The following SHANK2 variants were observed in gnomAD, a reference collection of about 807,000 sequenced individuals.
The protein encoded by SHANK2 is SH3 and multiple ankyrin repeat domains 2.
In SHANK2, 43 loss-of-function variants were observed where a neutral mutation model predicts 133.7. The ratio of observed to expected loss-of-function variants is 0.32; its 90% CI spans 0.25 to 0.41. The LOEUF is 0.41. SHANK2 is among the 10% of genes least tolerant of loss of function. The pLI is 1.00. For synonymous variants in SHANK2, 1,017 were observed against 952.8 expected (o/e 1.07, Z -1.24); for missense variants, 1,994 against 2,235.8 (o/e 0.89, Z 2.18).
At position 71,161,265 on chromosome 11, in the gene SHANK2, C is replaced by T. The variant is rs573533711; in HGVS notation, c.-12-13927G>A. ...CCAACCTGACTCTAGTATAGCATCACATGATAGACAGCAGGTCCTGAAAGA... is the reference window on the plus strand; with the variant it reads ...CCAACCTGACTCTAGTATAGCATCATATGATAGACAGCAGGTCCTGAAAGA... On this transcript the variant is annotated intron_variant, in intron 2 of 25. Coordinates refer to ENST00000601538, the MANE Select transcript of SHANK2 (RefSeq NM_012309.5). Among the ~76,000 whole-genome samples, 10 of 152,330 alleles carry T rather than the reference C, an allele frequency of 6.6e-5. No individual in the cohort carries two copies. In the East Asian group the frequency reaches 1.9e-3, roughly 29 times the overall value.
chr11:71,062,350 G>A (rs1332576456), intron 9 of SHANK2, among the ~76,000 whole-genome samples: 2 of 152,240 alleles, frequency 1.3e-5, no homozygotes, highest in African/African-American at 4.8e-5. Flanking sequence ...AGGAGGCGGA[G>A]AGACCACAGG....
At chr11:70,913,416 C>CA (rs1442214648) in intron 10 of SHANK2, among the ~76,000 whole-genome samples, 36 of 149,662 alleles carry the variant, frequency 2.4e-4, no homozygotes, top group East Asian at 9.7e-4. Context: ...CCTCCGGGAA[C>CA]AAAAAAAAAT....
intron 7 of SHANK2, 120 bp from the exon 8 acceptor site, chr11:71,092,709 A>G: frequency 1.1e-6 from 1 of 928,750 alleles, no homozygotes; most frequent in Non-Finnish European, 1.6e-6. Context: ...CCACACCCTG[A>G]GTACCCAGTG....
intron 9 of SHANK2, among the ~76,000 whole-genome samples, chr11:71,065,837 A>ATGG (rs1951047976): frequency 1.6e-5 from 1 of 63,234 alleles, no homozygotes; most frequent in African/African-American, 6.3e-5. Flanking sequence ...GGGGCGGGGC[A>ATGG]TACAGAACTC....
chr11:70,912,038 G>GACCACTGC (rs1950198517), intron 10 of SHANK2, among the ~76,000 whole-genome samples: 1 of 137,752 alleles, frequency 7.3e-6, no homozygotes, highest in Non-Finnish European at 1.5e-5. Context: ...GCTGAGATTG[G>GACCACTGC]ACCACTGCAC....
At chr11:70,907,881 C>T (rs1555078252) in intron 10 of SHANK2, 1 of 454,294 alleles carries the variant, frequency 2.2e-6, no homozygotes, top group Non-Finnish European at 4.4e-6. Context: ...GCAGGCAGAT[C>T]ACTTAAGGTC....
At chr11:71,105,025 C>T (rs1338928223) in intron 6 of SHANK2, among the ~76,000 whole-genome samples, 2 of 152,198 alleles carry the variant, frequency 1.3e-5, no homozygotes, top group Non-Finnish European at 2.9e-5. Flanking sequence ...AAAACCCACA[C>T]ACGGGTGTTT....
chr11:71,195,135 G>A (rs1254324589), intron 2 of SHANK2, among the ~76,000 whole-genome samples: 4 of 152,214 alleles, frequency 2.6e-5, no homozygotes, highest in African/African-American at 9.6e-5. Flanking sequence ...GCTGACGCCT[G>A]TAATCCCAGC....
At chr11:70,581,939 C>A (rs542686420) in intron 17 of SHANK2, among the ~76,000 whole-genome samples, 1 of 152,206 alleles carries the variant, frequency 6.6e-6, no homozygotes, top group East Asian at 1.9e-4. Flanking sequence ...CTTGGGCACA[C>A]GAGGGTTGGG....
rs139293804 is a variant in SHANK2 at position 70,809,582 on chromosome 11, G to C, written c.1494-2411C>G. On this transcript the variant is annotated intron_variant, in intron 12 of 25. Coordinates refer to ENST00000601538, the MANE Select transcript of SHANK2 (RefSeq NM_012309.5). ...ATTCTTACTCCTTCTCTCAGCATTAGGATGGTGAGATCTGGCCATGGGGAC... is the reference window on the plus strand; with the variant it reads ...ATTCTTACTCCTTCTCTCAGCATTACGATGGTGAGATCTGGCCATGGGGAC... 2.3e-4 allele frequency among the ~76,000 whole-genome samples: 35 copies of C among 152,304 alleles called. No individual in the cohort carries two copies. The East Asian group carries it at 6.6e-3, about 29-fold the overall frequency.
In SHANK2 at chr11:70,820,629, T is replaced by A; in HGVS notation, c.1228A>T (p.Thr410Ser). ...YSNRRRRPPN[T>S]LAAPRVLLRS... ...AGCAGGACCCGGGGGGCGGCCAGCG[T>A]GTTGGGGGGCCGCCGCCGGCGGTTG... The change falls in exon 12 of 26, where the codon ACG becomes TCG. Residue 410 changes from threonine to serine, a missense_variant. This residue lies in a region of SHANK2 where 653 missense variants were observed against 563.4 expected (regional missense o/e 1.16). Transcript: ENST00000601538. The A allele has an allele frequency of 1.4e-6, 1 of 710,844 alleles. No homozygotes were observed. The highest frequency in any genetic ancestry group is 2.6e-6 in the Non-Finnish European group (1 of 381,356). 44.0% of individuals were successfully genotyped at this position (710,844 alleles called of 1,614,324 possible).
At chr11:70,656,419 C>T (rs959671191) in intron 17 of SHANK2, among the ~76,000 whole-genome samples, 1 of 152,158 alleles carries the variant, frequency 6.6e-6, no homozygotes, top group Non-Finnish European at 1.5e-5. Context: ...GGGGCTGTCA[C>T]TGCTCCAAGC....
chr11:70,870,683 C>A (rs1175644819), intron 11 of SHANK2, among the ~76,000 whole-genome samples: 2 of 152,210 alleles, frequency 1.3e-5, no homozygotes, highest in African/African-American at 4.8e-5. Flanking sequence ...TTTGGCATTC[C>A]TTGACTGACA....
At position 70,470,599 on chromosome 11, in the gene SHANK2, T is replaced by C. The variant is rs2058586574; in HGVS notation, c.*2270A>G. 1 of 152,606 alleles carries C rather than the reference T, an allele frequency of 6.6e-6. No homozygotes were observed. The highest frequency in any genetic ancestry group is 2.4e-5 in the African/African-American group (1 of 41,448). The allele number at this position is 152,606 out of a possible 1,614,324, so 9.5% of individuals were successfully genotyped here. A position where few individuals can be genotyped will look rare whatever the true frequency, so the allele number is the denominator to read the frequency against. On this transcript the variant is annotated 3_prime_UTR_variant, in exon 26 of 26. Transcript: ENST00000601538. ...GACAAATTAATGGCCAAACCACCAT[T>C]TTTACATTTTCTAAAATATGGGGCA...
At chr11:71,234,097 C>T (rs1954790654) in intron 1 of SHANK2, among the ~76,000 whole-genome samples, 1 of 140,972 alleles carries the variant, frequency 7.1e-6, no homozygotes, top group African/African-American at 2.7e-5. Flanking sequence ...CCTGTAATCC[C>T]AGCACTTTCA....
chr11:70,634,071 A>C (rs1480873463), intron 17 of SHANK2: 1 of 152,214 alleles, frequency 6.6e-6, no homozygotes, highest in Non-Finnish European at 1.5e-5. Flanking sequence ...ACCTGGGGAC[A>C]TATCTACCAA....
intron 14 of SHANK2, among the ~76,000 whole-genome samples, chr11:70,703,915 G>T (rs748806057): frequency 3.9e-5 from 6 of 152,254 alleles, no homozygotes; most frequent in Non-Finnish European, 7.3e-5. Flanking sequence ...CCACCTGACT[G>T]CCCAGCCCTG....
At chr11:71,122,058 C>G (rs1952092180) in intron 3 of SHANK2, among the ~76,000 whole-genome samples, 1 of 152,192 alleles carries the variant, frequency 6.6e-6, no homozygotes, top group African/African-American at 2.4e-5. Flanking sequence ...GGAGTGTACA[C>G]TAGTTCAACT....
chr11:70,666,263 T>A (rs1260431314), intron 15 of SHANK2, among the ~76,000 whole-genome samples: 1 of 152,060 alleles, frequency 6.6e-6, no homozygotes, highest in Non-Finnish European at 1.5e-5. Flanking sequence ...TTAGAAACTT[T>A]CAATGTTTTG....
Sources: gnomAD v4.1 joint callset for allele counts (sites outside exome capture counted in the v4.1 genomes callset) on GRCh38, gnomAD v4.1.1 for gene constraint, gnomAD v4.1.1 regional missense constraint, MANE v1.5 for transcripts, NCBI Gene and HGNC (gene_info 2026-07-23, HGNC 2026-07-21) for gene names.